The following MS4A5 variants were observed in gnomAD, a reference collection of about 807,000 sequenced individuals.
MS4A5 encodes membrane spanning 4-domains A5, also known as membrane-spanning 4-domains subfamily A member 5.
Under a neutral mutation model 18.2 loss-of-function variants are expected in MS4A5, and 15 were observed. That is an observed-to-expected ratio of 0.83 (90% CI 0.55 to 1.27). MS4A5 has a LOEUF of 1.27. MS4A5 is among the 50% of genes most tolerant of loss of function. The pLI is 0.00. For missense variants in MS4A5, 232 were observed against 225.7 expected (o/e 1.03, Z -0.18); for synonymous variants, 89 against 78.7 (o/e 1.13, Z -0.69).
chr11:60,442,337 C>G (rs555220403), intron 4 of MS4A5, among the ~76,000 whole-genome samples: 21 of 152,338 alleles, frequency 1.4e-4, no homozygotes, highest in African/African-American at 4.6e-4. Context: ...CATTCACTAT[C>G]TTTGCACTTT....
intron 4 of MS4A5, among the ~76,000 whole-genome samples, chr11:60,446,154 T>A (rs1427447382): frequency 6.6e-6 from 1 of 152,180 alleles, no homozygotes; most frequent in Non-Finnish European, 1.5e-5. Context: ...AAATGAATGA[T>A]GACAAACTAC....
chr11:60,444,839 C>T (rs2086130949), intron 4 of MS4A5, among the ~76,000 whole-genome samples: 1 of 152,162 alleles, frequency 6.6e-6, no homozygotes, highest in Non-Finnish European at 1.5e-5. Flanking sequence ...AATGGTTCAA[C>T]CACCTTGGAA....
At chr11:60,436,000 C>T (rs2086078147) in intron 4 of MS4A5, among the ~76,000 whole-genome samples, 2 of 152,222 alleles carry the variant, frequency 1.3e-5, no homozygotes, top group Non-Finnish European at 2.9e-5. Flanking sequence ...AACAAAAAGA[C>T]AGCAGTAACC....
intron 4 of MS4A5, among the ~76,000 whole-genome samples, chr11:60,437,051 T>C (rs926975698): frequency 7.3e-6 from 1 of 136,512 alleles, no homozygotes; most frequent in Non-Finnish European, 1.6e-5. Context: ...AAAGGGAAGC[T>C]CATCAGACTA....
At chr11:60,435,437 C>A (rs1366535089) in intron 4 of MS4A5, 1 of 439,092 alleles carries the variant, frequency 2.3e-6, no homozygotes, top group Non-Finnish European at 4.5e-6. Context: ...GCCAAGATGG[C>A]CAAATAGGAA....
chr11:60,438,620 C>T (rs1013216165), intron 4 of MS4A5, among the ~76,000 whole-genome samples: 23 of 152,184 alleles, frequency 1.5e-4, no homozygotes, highest in Non-Finnish European at 2.2e-4. Flanking sequence ...GAAATACAAA[C>T]GACCATCAGA....
chr11:60,433,983 A>G (rs1265826780), intron 4 of MS4A5, 66 bp downstream of exon 4: 2 of 1,364,810 alleles, frequency 1.5e-6, no homozygotes, highest in Non-Finnish European at 2.1e-6. Flanking sequence ...TTAGCACTCA[A>G]TCAGCACCAT....
At chr11:60,440,141 T>G (rs907357968) in intron 4 of MS4A5, among the ~76,000 whole-genome samples, 1 of 82,526 alleles carries the variant, frequency 1.2e-5, no homozygotes, top group African/African-American at 4.2e-5. Flanking sequence ...AACTATCTGA[T>G]CTTTGACAAA....
intron 2 of MS4A5, among the ~76,000 whole-genome samples, chr11:60,431,607 G>T (rs1286206311): frequency 6.6e-6 from 1 of 152,140 alleles, no homozygotes; most frequent in African/African-American, 2.4e-5. Flanking sequence ...CATAGGAAAG[G>T]CATCAACAAA....
intron 2 of MS4A5, 112 bp downstream of exon 2, chr11:60,431,036 A>G (rs539486603): frequency 1.7e-6 from 2 of 1,167,846 alleles, no homozygotes; most frequent in Non-Finnish European, 2.4e-6. Context: ...CAAAAGTGCA[A>G]AAAACTAACC....
intron 4 of MS4A5, among the ~76,000 whole-genome samples, chr11:60,446,769 A>G (rs1465139402): frequency 6.6e-6 from 1 of 151,678 alleles, no homozygotes; most frequent in Non-Finnish European, 1.5e-5. Flanking sequence ...AACCAAAAAA[A>G]CGGTGAACTA....
Position 60,433,896 on chromosome 11 carries a change from G to C in MS4A5, c.471G>C (p.Lys157Asn). 1 of 1,614,026 alleles carries C rather than the reference G, an allele frequency of 6.2e-7. No individual in the cohort carries two copies. Among genetic ancestry groups the C allele is most frequent in the Non-Finnish European group, 8.5e-7 (1 of 1,179,982 alleles). Residue 157 changes from lysine (K) to asparagine (N), a missense_variant, in exon 4 of 5, where the codon AAG becomes AAC. By Grantham distance (94) the Lys-to-Asn change is moderately conservative (BLOSUM62 0). Transcript: ENST00000300190. ...ATTCTCACCAAAATAGTCAGTGTAA[G>C]GCTGTTACTGTCCTGTTCTTGGTAA... ...CGYSHQNSQC[K>N]AVTVLFLGIL...
chr11:60,441,301 A>C lies in MS4A5; in HGVS notation c.493-6348A>C, dbSNP rs1357510852. On this transcript the variant is annotated intron_variant, in intron 4 of 4. Coordinates refer to ENST00000300190, the MANE Select transcript of MS4A5 (RefSeq NM_023945.3). ...ATGGGGTGGAGGGAGGGGGGGAGGG[A>C]TAGCATCGGGAGATATACCTAATGC... Among the ~76,000 whole-genome samples, 36 of 88,656 alleles carry C rather than the reference A, an allele frequency of 4.1e-4. 2 individuals carry two copies. The highest frequency in any genetic ancestry group is 1.1e-3 in the African/African-American group (33 of 29,006). The allele number at this position is 88,656 out of a possible 152,430, so 58.2% of individuals were successfully genotyped here.
In MS4A5 at chr11:60,446,079, AAAAC is replaced by A. The variant is rs1252838558; in HGVS notation, c.493-1558_493-1555del. ...CTATTGCAGCATTGTTCAGAGGGGT[AAAAC>A]AAACAAACAAAAAAACACAGAAAAA... On this transcript the variant is annotated intron_variant, in intron 4 of 4. Coordinates refer to ENST00000300190, the MANE Select transcript of MS4A5 (RefSeq NM_023945.3). 7.9e-5 allele frequency among the ~76,000 whole-genome samples: 12 copies of A among 152,292 alleles called. No individual in the cohort carries two copies. In the South Asian group the frequency reaches 2.3e-3, roughly 29 times the overall value.
At chr11:60,434,031 GACAA>G (rs2086065692) in intron 4 of MS4A5, 114 bp downstream of exon 4, 5 of 923,358 alleles carry the variant, frequency 5.4e-6, no homozygotes, top group Non-Finnish European at 8.2e-6. Flanking sequence ...TTCTTTTACT[GACAA>G]ACATTTATGA....
rs1349079849 is a variant in MS4A5, at chr11:60,429,828, G to A, written c.153+1G>A. 1.9e-6 allele frequency: 3 copies of A among 1,612,680 alleles called. No individual in the cohort carries two copies. Among genetic ancestry groups the A allele is most frequent in the Non-Finnish European group, 1.7e-6 (2 of 1,179,592 alleles). On this transcript the variant is annotated splice_donor_variant, in intron 1 of 4. Transcript: ENST00000300190. LOFTEE classifies it high-confidence loss of function. ...TGCTAGAAAAATGAAAATCTTAGGG[G>A]TAAGTAAGACTTGCCCCTATGTATA...
At chr11:60,443,715 A>G (rs1245669352) in intron 4 of MS4A5, among the ~76,000 whole-genome samples, 1 of 152,072 alleles carries the variant, frequency 6.6e-6, no homozygotes, top group Non-Finnish European at 1.5e-5. Flanking sequence ...AAAAACTAAT[A>G]AAATTGGTAA....
rs1173588721 is a variant in MS4A5 at position 60,430,912 on chromosome 11, G to C, written c.270G>C (p.Trp90Cys). Reference protein sequence around the residue: ...PFIFLSGYPFWGSVLFINSGA... With the variant: ...PFIFLSGYPFCGSVLFINSGA... ...TATTTCTTTCAGGATATCCATTCTG[G>C]GGCTCTGTTTTGGTGAGTATAGTCA... Residue 90 changes from tryptophan to cysteine, a missense_variant, in exon 2 of 5, where the codon TGG (tryptophan) becomes TGC (cysteine). Coordinates refer to ENST00000300190, the MANE Select transcript of MS4A5 (RefSeq NM_023945.3). The C allele has an allele frequency of 2.5e-6, 4 of 1,612,008 alleles. No individual in the cohort carries two copies. The highest frequency in any genetic ancestry group is 3.4e-6 in the Non-Finnish European group (4 of 1,179,746).
chr11:60,431,945 C>T (rs1233886231), intron 2 of MS4A5, among the ~76,000 whole-genome samples: 3 of 149,912 alleles, frequency 2.0e-5, no homozygotes, highest in South Asian at 2.1e-4. Context: ...AATGCTACCA[C>T]GTGTGACCCA....
Sources: allele counts gnomAD v4.1 joint callset (sites outside exome capture counted in the v4.1 genomes callset), GRCh38; gene constraint gnomAD v4.1.1; transcripts MANE v1.5; gene names NCBI Gene and HGNC (gene_info 2026-07-23, HGNC 2026-07-21).